The following SMAD5 variants were observed in gnomAD, a reference collection of about 807,000 sequenced individuals.
The protein encoded by SMAD5 is MAD, mothers against decapentaplegic homolog 5.
SMAD5 carries 9 observed loss-of-function variants against 43.1 expected under a neutral mutation model. That is an observed-to-expected ratio of 0.21 (90% CI 0.13 to 0.36). SMAD5 has a LOEUF of 0.36. SMAD5 is among the 10% of genes least tolerant of loss of function. The pLI, the probability that SMAD5 is intolerant of heterozygous loss-of-function variation, is 1.00. For synonymous variants in SMAD5, 190 were observed against 192.4 expected, an observed-to-expected ratio of 0.99 and a Z score of 0.10; for missense variants, 348 against 574.0, an observed-to-expected ratio of 0.61 and a Z score of 4.02.
At position 136,132,926 on chromosome 5, in the gene SMAD5, C is replaced by G. The variant is rs1188762588; in HGVS notation, c.-281C>G. The G allele has an allele frequency of 1.3e-5, 2 of 152,262 alleles. No homozygotes were observed. The highest frequency in any genetic ancestry group is 2.9e-5 in the Non-Finnish European group (2 of 68,078). The allele number at this position is 152,262 out of a possible 1,614,324, so 9.4% of individuals were successfully genotyped here. A position where few individuals can be genotyped will look rare whatever the true frequency, so the allele number is the denominator to read the frequency against. On this transcript the variant is annotated 5_prime_UTR_variant, in exon 1 of 8. Transcript: ENST00000545279. Reference sequence around the variant, plus strand: ...AAAGTTGCAGCGAGGAGAAGCGCAGCGACGGCGTCGGGAGAGCGCGCCTAG... The same window carrying G: ...AAAGTTGCAGCGAGGAGAAGCGCAGGGACGGCGTCGGGAGAGCGCGCCTAG...
chr5:136,177,899 T>G lies in SMAD5; in HGVS notation c.*419T>G, dbSNP rs1754483287. ...CTCGATCTTCCAGAAGCTGTACTTT[T>G]ACCAGTTTCTTTGTCCCACCAACTT... On this transcript the variant is annotated 3_prime_UTR_variant, in exon 8 of 8. Transcript: ENST00000545279. 1 of 153,576 alleles carries G rather than the reference T, an allele frequency of 6.5e-6. No homozygotes were observed. Among genetic ancestry groups the G allele is most frequent in the Non-Finnish European group, 1.4e-5 (1 of 69,018 alleles). 9.5% of individuals were successfully genotyped at this position (153,576 alleles called of 1,614,324 possible). A position where few individuals can be genotyped will look rare whatever the true frequency, so the allele number is the denominator to read the frequency against.
rs1423434195 is a variant in SMAD5, at chr5:136,153,608, A to G, written c.-153A>G. 5.0e-6 allele frequency: 3 copies of G among 600,524 alleles called. No homozygotes were observed. Among genetic ancestry groups the G allele is most frequent in the Non-Finnish European group, 8.7e-6 (3 of 344,518 alleles). 37.2% of individuals were successfully genotyped at this position (600,524 alleles called of 1,614,324 possible). ...CTCTTTCAGGACTTGACCCAATGAA[A>G]GAAGCATATGGCACTTGTGAAGATA... On this transcript the variant is annotated 5_prime_UTR_variant, in exon 3 of 8. Coordinates refer to ENST00000545279, the MANE Select transcript of SMAD5 (RefSeq NM_005903.7).
At chr5:136,147,521 C>T (rs375611656) in intron 1 of SMAD5, 2 of 151,834 alleles carry the variant, frequency 1.3e-5, no homozygotes, top group East Asian at 1.9e-4. Flanking sequence ...GCAGTCTGTA[C>T]AGTGGTTTGG....
At chr5:136,173,867 A>G (rs1453720822) in intron 6 of SMAD5, among the ~76,000 whole-genome samples, 1 of 151,774 alleles carries the variant, frequency 6.6e-6, no homozygotes, top group African/African-American at 2.4e-5. Flanking sequence ...ATTTTTAAAT[A>G]TAAAAAAATT....
At position 136,181,465 on chromosome 5, in the gene SMAD5, A is replaced by G. The variant is rs868272640; in HGVS notation, c.*3985A>G. The G allele has an allele frequency of 3.3e-5, 5 of 152,116 alleles. 1 individual carries two copies. In the South Asian group the frequency reaches 8.3e-4, roughly 25 times the overall value. 9.4% of individuals were successfully genotyped at this position (152,116 alleles called of 1,614,324 possible). On this transcript the variant is annotated 3_prime_UTR_variant, in exon 8 of 8. Transcript: ENST00000545279. The stretch of plus-strand genomic sequence containing the variant: ...TAGAAGTGTTTGGTGATTTTTATGG[A>G]GAGAGTTTTCCTAAGTGGTGGTTTA...
intron 1 of SMAD5, among the ~76,000 whole-genome samples, chr5:136,144,661 AG>A (rs1463438188): frequency 4.0e-5 from 6 of 151,390 alleles, no homozygotes; most frequent in Non-Finnish European, 7.4e-5. Context: ...GGTGTACTTT[AG>A]GATAGGTATG....
At chr5:136,133,906 G>A (rs1354888794) in intron 1 of SMAD5, 1 of 154,620 alleles carries the variant, frequency 6.5e-6, no homozygotes, top group African/African-American at 2.4e-5. Flanking sequence ...CCAACAGAAT[G>A]TTCCGGTTCT....
At chr5:136,169,760 C>A (rs1030621238) in intron 5 of SMAD5, among the ~76,000 whole-genome samples, 3 of 152,168 alleles carry the variant, frequency 2.0e-5, no homozygotes, top group African/African-American at 7.2e-5. Flanking sequence ...TCCTGATGCT[C>A]CTCATCCTTA....
chr5:136,154,566 A>T (rs919021713), intron 3 of SMAD5, among the ~76,000 whole-genome samples: 1 of 152,130 alleles, frequency 6.6e-6, no homozygotes, highest in African/African-American at 2.4e-5. Flanking sequence ...TTCTGATAGC[A>T]TACAAGCATG....
At chr5:136,150,185 C>G (rs1395395493) in intron 2 of SMAD5, among the ~76,000 whole-genome samples, 2 of 151,618 alleles carry the variant, frequency 1.3e-5, no homozygotes, top group Non-Finnish European at 2.9e-5. Flanking sequence ...TGTGCAAAAT[C>G]TTAAATCTGT....
At chr5:136,143,300 G>A (rs1012010430) in intron 1 of SMAD5, among the ~76,000 whole-genome samples, 4 of 149,540 alleles carry the variant, frequency 2.7e-5, no homozygotes, top group Admixed American at 1.3e-4. Flanking sequence ...CGGTGTGTGT[G>A]TGTTCCTCTC....
chr5:136,141,559 G>A (rs890958976), intron 1 of SMAD5, among the ~76,000 whole-genome samples: 1 of 152,114 alleles, frequency 6.6e-6, no homozygotes, highest in Non-Finnish European at 1.5e-5. Flanking sequence ...TTAGAAAAAG[G>A]CCTTCTCATT....
At chr5:136,146,182 T>C (rs1753252521) in intron 1 of SMAD5, among the ~76,000 whole-genome samples, 2 of 151,930 alleles carry the variant, frequency 1.3e-5, no homozygotes, top group African/African-American at 4.8e-5. Flanking sequence ...AAGTGTGAGC[T>C]TAAGTTTAGC....
intron 5 of SMAD5, among the ~76,000 whole-genome samples, chr5:136,171,805 A>G (rs1002629549): frequency 6.6e-6 from 1 of 152,182 alleles, no homozygotes; most frequent in African/African-American, 2.4e-5. Context: ...TGTATTTTAC[A>G]TGTAAGAATG....
chr5:136,151,761 A>G (rs972909259), intron 2 of SMAD5, among the ~76,000 whole-genome samples: 1 of 151,982 alleles, frequency 6.6e-6, no homozygotes, highest in Non-Finnish European at 1.5e-5. Context: ...CCTGTCTCTT[A>G]TCTAGCCTAG....
chr5:136,158,741 T>C (rs575603750), intron 3 of SMAD5, among the ~76,000 whole-genome samples: 1 of 152,078 alleles, frequency 6.6e-6, no homozygotes, highest in Non-Finnish European at 1.5e-5. Context: ...CTACTAAAAA[T>C]ACAAAAAATT....
chr5:136,159,541 C>G (rs1753760296), intron 3 of SMAD5, among the ~76,000 whole-genome samples: 1 of 151,564 alleles, frequency 6.6e-6, no homozygotes, highest in African/African-American at 2.4e-5. Context: ...TAGCATACCT[C>G]TAAAGAAAAA....
chr5:136,168,565 T>C (rs192205575), intron 5 of SMAD5, among the ~76,000 whole-genome samples: 4 of 152,328 alleles, frequency 2.6e-5, no homozygotes, highest in Admixed American at 2.0e-4. Flanking sequence ...ACATTTGTTA[T>C]AGTCAGTGAG....
At chr5:136,169,041 G>A (rs780588020) in intron 5 of SMAD5, among the ~76,000 whole-genome samples, 19 of 152,168 alleles carry the variant, frequency 1.2e-4, no homozygotes, top group Non-Finnish European at 2.1e-4. Flanking sequence ...TGCAAGTTGA[G>A]GAACAAGGAA....
Sources: allele counts gnomAD v4.1 joint callset (sites outside exome capture counted in the v4.1 genomes callset), GRCh38; gene constraint gnomAD v4.1.1; transcripts MANE v1.5; gene names NCBI Gene and HGNC (gene_info 2026-07-23, HGNC 2026-07-21).